TBC1D14: variants seen among roughly 807,000 people sequenced by gnomAD.
TBC1D14 encodes TBC1 domain family, member 14.
Under a neutral mutation model 79.0 loss-of-function variants are expected in TBC1D14, and 26 were observed. The observed-to-expected ratio is 0.33, with a 90% CI of 0.24 to 0.46. The LOEUF is 0.46. Ranked by LOEUF, TBC1D14 falls within the 20% of genes least tolerant of loss-of-function variation. TBC1D14 has a pLI of 1.00. For synonymous variants in TBC1D14, 394 were observed against 349.9 expected, an observed-to-expected ratio of 1.13 and a Z score of -1.40; for missense variants, 769 against 887.6, an observed-to-expected ratio of 0.87 and a Z score of 1.70.
chr4:6,975,302 A>C (rs1716622219), intron 3 of TBC1D14, among the ~76,000 whole-genome samples: 1 of 152,166 alleles, frequency 6.6e-6, no homozygotes, highest in Admixed American at 6.5e-5. Flanking sequence ...TCTGCCTCCC[A>C]GGCTCAAGCG....
chr4:7,000,056 C>A (rs185940414), intron 6 of TBC1D14, among the ~76,000 whole-genome samples: 1 of 152,310 alleles, frequency 6.6e-6, no homozygotes, highest in Admixed American at 6.5e-5. Context: ...GGTCACGCGG[C>A]CCTGCTCAGG....
chr4:6,947,618 C>T (rs1160942705), intron 2 of TBC1D14, among the ~76,000 whole-genome samples: 5 of 149,178 alleles, frequency 3.4e-5, no homozygotes, highest in Non-Finnish European at 7.4e-5. Context: ...GCTGAGATTG[C>T]GCCACGGCAC....
At chr4:6,957,577 A>G (rs1318595704) in intron 2 of TBC1D14, among the ~76,000 whole-genome samples, 2 of 152,184 alleles carry the variant, frequency 1.3e-5, no homozygotes, top group African/African-American at 4.8e-5. Flanking sequence ...TGGTCTTGCC[A>G]GGAGAGGAAT....
chr4:7,010,894 A>G, intron 11 of TBC1D14, 113 bp downstream of exon 11: 2 of 1,319,844 alleles, frequency 1.5e-6, no homozygotes, highest in Non-Finnish European at 2.1e-6. Context: ...CTGTGAAGAG[A>G]TGTTTAGAGT....
At chr4:6,942,151 G>A (rs1300634793) in intron 2 of TBC1D14, among the ~76,000 whole-genome samples, 15 of 152,056 alleles carry the variant, frequency 9.9e-5, no homozygotes, top group Admixed American at 6.5e-4. Flanking sequence ...TAATTAAAAC[G>A]GTTTCCTCCT....
chr4:6,960,544 C>G (rs538401116), intron 2 of TBC1D14, among the ~76,000 whole-genome samples: 1 of 151,974 alleles, frequency 6.6e-6, no homozygotes, highest in Admixed American at 6.5e-5. Flanking sequence ...TTGCTTTTTT[C>G]CCTTCAAAAA....
In TBC1D14 at chr4:6,943,829, T is replaced by A. The variant is rs28385367; in HGVS notation, c.722+19718T>A. Among the ~76,000 whole-genome samples, 814 of 152,230 alleles carry A rather than the reference T, an allele frequency of 5.3e-3. 7 individuals carry two copies. The highest frequency in any genetic ancestry group is 0.018 in the African/African-American group (768 of 41,516). On this transcript the variant is annotated intron_variant, in intron 2 of 13. Transcript: ENST00000409757. Reference sequence around the variant, plus strand: ...GCAGATAACCTTGAGTGAATGTGAATCTAAAAAAAGTAATAAAGGGATCTG... The same window carrying A: ...GCAGATAACCTTGAGTGAATGTGAAACTAAAAAAAGTAATAAAGGGATCTG...
intron 1 of TBC1D14, among the ~76,000 whole-genome samples, chr4:6,913,253 C>G (rs914415617): frequency 6.6e-6 from 1 of 152,134 alleles, no homozygotes; most frequent in African/African-American, 2.4e-5. Context: ...CCTGGGCCTC[C>G]CAAAGTGCTG....
intron 7 of TBC1D14, among the ~76,000 whole-genome samples, chr4:7,001,663 G>A (rs1719689752): frequency 6.6e-6 from 1 of 152,190 alleles, no homozygotes; most frequent in African/African-American, 2.4e-5. Flanking sequence ...CCTTGGAGGA[G>A]ACAACATACT....
intron 11 of TBC1D14, 107 bp from the exon 12 acceptor site, chr4:7,014,341 C>T (rs998279875): frequency 1.8e-5 from 12 of 680,184 alleles, no homozygotes; most frequent in Non-Finnish European, 2.6e-5. Flanking sequence ...TTAGTAATTA[C>T]AGAAGAAGGT....
chr4:6,954,942 C>A (rs544763971), intron 2 of TBC1D14, among the ~76,000 whole-genome samples: 1 of 152,236 alleles, frequency 6.6e-6, no homozygotes, highest in Non-Finnish European at 1.5e-5. Context: ...ACTTGAGTAG[C>A]ATTTTCTGAA....
At position 7,030,525 on chromosome 4, in the gene TBC1D14, C is replaced by A; in HGVS notation, c.*133C>A. On this transcript the variant is annotated 3_prime_UTR_variant, in exon 14 of 14. Coordinates refer to ENST00000409757, the MANE Select transcript of TBC1D14 (RefSeq NM_020773.3). Reference sequence around the variant, plus strand: ...GTTTGATTCCTAACACTGGAGTTGGCCTTAAACAAAACAAACACAAAAACT... The same window carrying A: ...GTTTGATTCCTAACACTGGAGTTGGACTTAAACAAAACAAACACAAAAACT... 4 of 884,170 alleles carry A rather than the reference C, an allele frequency of 4.5e-6. No homozygotes were observed. The highest frequency in any genetic ancestry group is 1.7e-5 in the African/African-American group (1 of 59,312). 54.8% of individuals were successfully genotyped at this position (884,170 alleles called of 1,614,324 possible). A position where few individuals can be genotyped will look rare whatever the true frequency, so the allele number is the denominator to read the frequency against.
At chr4:6,948,951 A>T (rs1377823596) in intron 2 of TBC1D14, among the ~76,000 whole-genome samples, 2 of 151,224 alleles carry the variant, frequency 1.3e-5, no homozygotes, top group Non-Finnish European at 2.9e-5. Flanking sequence ...TAATCCCTGC[A>T]CTTTGGGAGG....
chr4:6,924,138 A>T (rs1050533974), intron 2 of TBC1D14, 27 bp downstream of exon 2: 5 of 1,591,874 alleles, frequency 3.1e-6, no homozygotes, highest in South Asian at 1.1e-5. Context: ...CCTCTAGAAG[A>T]TCGTGGTGGT....
chr4:7,000,436 A>G (rs1719544982), intron 6 of TBC1D14, among the ~76,000 whole-genome samples: 1 of 152,138 alleles, frequency 6.6e-6, no homozygotes, highest in South Asian at 2.1e-4. Flanking sequence ...GAGAGGAGAG[A>G]TCATTTGTCC....
intron 1 of TBC1D14, among the ~76,000 whole-genome samples, chr4:6,914,942 G>A (rs1304997578): frequency 6.6e-6 from 1 of 152,228 alleles, no homozygotes; most frequent in Non-Finnish European, 1.5e-5. Context: ...AGGAGGCTGA[G>A]GCAGGAGAAT....
Position 6,924,044 on chromosome 4 carries a change from T to C in TBC1D14, c.655T>C (p.Cys219Arg), listed in dbSNP as rs745370315. The stretch of plus-strand genomic sequence containing the variant: ...AACCCGTGGCTTACACCAGCAGGAC[T>C]GTGTTCATGAAGCTGAGGAGGGGAG... ...KETRGLHQQD[C>R]VHEAEEGSKL... Residue 219 changes from cysteine (C) to arginine (R), a missense_variant, in exon 2 of 14, where the codon TGT becomes CGT. Transcript: ENST00000409757. 5 of 1,614,086 alleles carry C rather than the reference T, an allele frequency of 3.1e-6. No homozygotes were observed. The highest frequency in any genetic ancestry group is 1.7e-5 in the Admixed American group (1 of 60,018).
At chr4:6,953,020 TTTC>T (rs1393675483) in intron 2 of TBC1D14, among the ~76,000 whole-genome samples, 7 of 84,694 alleles carry the variant, frequency 8.3e-5, no homozygotes, top group Admixed American at 1.5e-4. Flanking sequence ...TATTTTTTTC[TTTC>T]TTTTTTTTTT....
chr4:6,987,256 C>A (rs1397185266), intron 3 of TBC1D14: 2 of 1,273,194 alleles, frequency 1.6e-6, no homozygotes, highest in South Asian at 2.6e-5. Flanking sequence ...TCCGCCCGCC[C>A]GCCCGCGGTC....
Sources: allele counts gnomAD v4.1 joint callset (sites outside exome capture counted in the v4.1 genomes callset), GRCh38; gene constraint gnomAD v4.1.1; transcripts MANE v1.5; gene names NCBI Gene and HGNC (gene_info 2026-07-23, HGNC 2026-07-21).